OR9I1: variants seen among roughly 807,000 people sequenced by gnomAD.
OR9I1 encodes olfactory receptor family 9 subfamily I member 1.
Under a neutral mutation model 11.2 loss-of-function variants are expected in OR9I1, and 7 were observed. That is an observed-to-expected ratio of 0.62 (90% confidence interval 0.36 to 1.17). OR9I1 has a LOEUF of 1.17. OR9I1 is among the 50% of genes most tolerant of loss of function. OR9I1 has a pLI of 0.02. For missense variants in OR9I1, 428 were observed against 377.2 expected (o/e 1.13, Z -1.12); for synonymous variants, 165 against 153.4 (o/e 1.08, Z -0.56).
chr11:58,120,105 T>C (rs1854013097), intron 2 of OR9I1, among the ~76,000 whole-genome samples: 1 of 152,182 alleles, frequency 6.6e-6, no homozygotes, highest in South Asian at 2.1e-4. Flanking sequence ...AAAAAGTCTT[T>C]CTTTCTACTT....
chr11:58,118,743 C>T lies in OR9I1; in HGVS notation c.702G>A (p.Arg234=). 4.3e-6 allele frequency: 7 copies of T among 1,614,026 alleles called. No homozygotes were observed. Among genetic ancestry groups the T allele is most frequent in the African/African-American group, 1.3e-5 (1 of 75,040 alleles). ...AGGCACATGTGGAGAAAGTCTTGGC[C>T]CTGCCACCTGAAGACTTCACTTTCA... The part of the protein sequence containing the change: ...TILKVKSSGG[R]AKTFSTCASH... Residue 234 remains arginine (R), a synonymous_variant, in exon 3 of 3, where the codon AGG becomes AGA. Transcript: ENST00000641439.
chr11:58,122,438 C>T (rs548781890), intron 2 of OR9I1, among the ~76,000 whole-genome samples: 6 of 152,294 alleles, frequency 3.9e-5, no homozygotes, highest in Admixed American at 1.3e-4. Flanking sequence ...ACATGGACTT[C>T]GCTTTCTATT....
rs920809213 is a variant in OR9I1, at chr11:58,124,514, C to G, written c.-99G>C. The G allele has an allele frequency of 1.3e-4, 20 of 152,118 alleles. No individual in the cohort carries two copies. The highest frequency in any genetic ancestry group is 4.8e-4 in the African/African-American group (20 of 41,430). The allele number at this position is 152,118 out of a possible 1,614,324, so 9.4% of individuals were successfully genotyped here. On this transcript the variant is annotated 5_prime_UTR_variant, in exon 2 of 3. Coordinates refer to ENST00000641439, the MANE Select transcript of OR9I1 (RefSeq NM_001005211.2). ...GTCCCTTGGGGAGGGTGAAGGAGCT[C>G]AACAAAGTTAATGTTTCTCACCTTA...
Position 58,118,813 on chromosome 11 carries a change from G to T in OR9I1, c.632C>A (p.Ala211Asp). The change falls in exon 3 of 3, where the codon GCC becomes GAC. Residue 211 changes from alanine to aspartate, a missense_variant. Physicochemically the swap from Ala to Asp is moderately radical, Grantham distance 126. Transcript: ENST00000641439. ...FFGNFVILAN[A>D]SVILISYLLI... ...CAGATAGGAAATCAGGATGACGGAGGCATTGGCCAAAATCACAAAATTGCC... is the reference window on the plus strand; with the variant it reads ...CAGATAGGAAATCAGGATGACGGAGTCATTGGCCAAAATCACAAAATTGCC... 6.2e-7 allele frequency: 1 copy of T among 1,614,072 alleles called. No individual in the cohort carries two copies. The highest frequency in any genetic ancestry group is 1.3e-5 in the African/African-American group (1 of 75,068).
chr11:58,123,690 AAT>A (rs1405522749), intron 2 of OR9I1, among the ~76,000 whole-genome samples: 1 of 152,170 alleles, frequency 6.6e-6, no homozygotes, highest in East Asian at 1.9e-4. Flanking sequence ...AGGACATTCT[AAT>A]TCCAAATTCT....
rs1441071788 is a variant in OR9I1 at position 58,117,218 on chromosome 11, T to A, written c.*1282A>T. 6.6e-6 allele frequency: 1 copy of A among 152,154 alleles called. No homozygotes were observed. Among genetic ancestry groups the A allele is most frequent in the Non-Finnish European group, 1.5e-5 (1 of 68,026 alleles). 9.4% of individuals were successfully genotyped at this position (152,154 alleles called of 1,614,324 possible). Reference sequence around the variant, plus strand: ...TTCTTATTCATCATTTTATTTAATTTTTACAATATCCTCTTGAATTGGGAA... The same window carrying A: ...TTCTTATTCATCATTTTATTTAATTATTACAATATCCTCTTGAATTGGGAA... On this transcript the variant is annotated 3_prime_UTR_variant, in exon 3 of 3. Transcript: ENST00000641439.
Position 58,118,358 on chromosome 11 carries a change from G to A in OR9I1, c.*142C>T, listed in dbSNP as rs753926360. ...GCTGGAAACTAATTTCACCACAATT[G>A]TAGTTTTTCCTGTGTGCCTGGTGGT... On this transcript the variant is annotated 3_prime_UTR_variant, in exon 3 of 3. Coordinates refer to ENST00000641439, the MANE Select transcript of OR9I1 (RefSeq NM_001005211.2). 1 of 615,860 alleles carries A rather than the reference G, an allele frequency of 1.6e-6. No individual in the cohort carries two copies. Among genetic ancestry groups the A allele is most frequent in the Non-Finnish European group, 2.8e-6 (1 of 351,302 alleles). The allele number at this position is 615,860 out of a possible 1,614,324, so 38.1% of individuals were successfully genotyped here.
chr11:58,118,331 T>C lies in OR9I1; in HGVS notation c.*169A>G. On this transcript the variant is annotated 3_prime_UTR_variant, in exon 3 of 3. Transcript: ENST00000641439. Reference sequence around the variant, plus strand: ...GGGGATAAGAAGAAAGAACATGGAATTGCTGGAAACTAATTTCACCACAAT... The same window carrying C: ...GGGGATAAGAAGAAAGAACATGGAACTGCTGGAAACTAATTTCACCACAAT... The C allele has an allele frequency of 1.8e-6, 1 of 563,828 alleles. No homozygotes were observed. The highest frequency in any genetic ancestry group is 2.7e-5 in the South Asian group (1 of 37,308). The allele number at this position is 563,828 out of a possible 1,614,324, so 34.9% of individuals were successfully genotyped here. A position where few individuals can be genotyped will look rare whatever the true frequency, so the allele number is the denominator to read the frequency against.
rs544312953 is a variant in OR9I1, at chr11:58,118,933, T to G, written c.512A>C (p.Asp171Ala). The G allele has an allele frequency of 6.2e-7, 1 of 1,613,888 alleles. No individual in the cohort carries two copies. The highest frequency in any genetic ancestry group is 8.5e-7 in the Non-Finnish European group (1 of 1,179,994). Residue 171 changes from aspartate to alanine, a missense_variant, in exon 3 of 3, where the codon GAC becomes GCC. Transcript: ENST00000641439. ...ACAGAAGAAGAAGTTTATTTGATTG[T>G]CCTTACAGAAGGAGAGGGTGAAGGT... Reference protein sequence around the residue: ...TCTFTLSFCKDNQINFFFCDL... With the variant: ...TCTFTLSFCKANQINFFFCDL...
In OR9I1 at chr11:58,119,417, T is replaced by G. The variant is rs200213774; in HGVS notation, c.28A>C (p.Thr10Pro). The G allele has an allele frequency of 1.2e-6, 2 of 1,611,698 alleles. No homozygotes were observed. The highest frequency in any genetic ancestry group is 2.7e-5 in the African/African-American group (2 of 75,020). Residue 10 changes from threonine (T) to proline (P), a missense_variant, in exon 3 of 3, where the codon ACC becomes CCC. Transcript: ENST00000641439. MAKNNLTRV[T>P]EFILMGFMDH... ...ATAAAGCCCATGAGAATGAATTCGG[T>G]TACTCTGGTGAGATTATTCTTGGCC...
intron 1 of OR9I1, among the ~76,000 whole-genome samples, 160 bp from the exon 2 acceptor site, chr11:58,124,799 A>T (rs972167133): frequency 2.0e-5 from 3 of 152,198 alleles, no homozygotes; most frequent in African/African-American, 7.2e-5. Flanking sequence ...GTGTTGAATC[A>T]ACACGCTGTG....
Position 58,119,371 on chromosome 11 carries a change from A to G in OR9I1, c.74T>C (p.Ile25Thr), listed in dbSNP as rs778844925. 3.9e-5 allele frequency: 63 copies of G among 1,613,830 alleles called. No homozygotes were observed. In the Middle Eastern group the frequency reaches 4.9e-4, roughly 13 times the overall value. Residue 25 changes from isoleucine (I) to threonine (T), a missense_variant, in exon 3 of 3, where the codon ATT (isoleucine) becomes ACT (threonine). Ile to Thr is a moderately conservative substitution (Grantham distance 89). Coordinates refer to ENST00000641439, the MANE Select transcript of OR9I1 (RefSeq NM_001005211.2). Reference protein sequence around the residue: ...MGFMDHPKLEIPLFLVFLSFY... With the variant: ...MGFMDHPKLETPLFLVFLSFY... ...ACTCAGAAACACCAGAAAGAGGGGA[A>G]TCTCCAATTTGGGGTGGTCCATAAA...
intron 1 of OR9I1, 35 bp downstream of exon 1, chr11:58,125,239 G>T (rs78623900): frequency 1.2e-5 from 1 of 85,244 alleles, no homozygotes; most frequent in Non-Finnish European, 2.0e-5. Flanking sequence ...CTTACCCACC[G>T]CCCCCCCCCC....
chr11:58,125,346 A>G lies in OR9I1; in HGVS notation c.-297T>C, dbSNP rs919537416. On this transcript the variant is annotated 5_prime_UTR_variant, in exon 1 of 3. Coordinates refer to ENST00000641439, the MANE Select transcript of OR9I1 (RefSeq NM_001005211.2). ...ATCAGATGACAACTTCTGATGACAA[A>G]GGCAAGATTCTCTGCCCAGTTACAC... 6.6e-5 allele frequency: 10 copies of G among 151,412 alleles called. No individual in the cohort carries two copies. In the East Asian group the frequency reaches 1.8e-3, roughly 27 times the overall value. The allele number at this position is 151,412 out of a possible 1,614,324, so 9.4% of individuals were successfully genotyped here. A position where few individuals can be genotyped will look rare whatever the true frequency, so the allele number is the denominator to read the frequency against.
chr11:58,120,322 A>G (rs191181996), intron 2 of OR9I1, among the ~76,000 whole-genome samples: 1 of 152,310 alleles, frequency 6.6e-6, no homozygotes. Flanking sequence ...ATTGTCCAAA[A>G]TCAAAGTTCA....
intron 2 of OR9I1, among the ~76,000 whole-genome samples, chr11:58,121,306 T>C (rs1854030148): frequency 6.6e-6 from 1 of 152,224 alleles, no homozygotes; most frequent in African/African-American, 2.4e-5. Context: ...CATAATACCA[T>C]GTTCCAAGTC....
chr11:58,120,368 CAT>C (rs1854016361), intron 2 of OR9I1, among the ~76,000 whole-genome samples: 2 of 151,928 alleles, frequency 1.3e-5, no homozygotes, highest in South Asian at 2.1e-4. Context: ...CTATTTGTAA[CAT>C]AGAAAAATAT....
Position 58,119,337 on chromosome 11 carries a change from T to C in OR9I1, c.108A>G (p.Leu36=). 3 of 1,613,644 alleles carry C rather than the reference T, an allele frequency of 1.9e-6. No individual in the cohort carries two copies. In the South Asian group the frequency reaches 3.3e-5, roughly 18 times the overall value. ...PLFLVFLSFY[L]VTLLGNVGMI... Reference sequence around the variant, plus strand: ...TCCCCACATTCCCAAGAAGGGTGACTAGGTAGAAACTCAGAAACACCAGAA... The same window carrying C: ...TCCCCACATTCCCAAGAAGGGTGACCAGGTAGAAACTCAGAAACACCAGAA... Residue 36 remains leucine (L), a synonymous_variant, in exon 3 of 3, where the codon CTA becomes CTG. Coordinates refer to ENST00000641439, the MANE Select transcript of OR9I1 (RefSeq NM_001005211.2).
intron 1 of OR9I1, among the ~76,000 whole-genome samples, chr11:58,124,862 C>A (rs1264038416): frequency 1.3e-5 from 2 of 152,136 alleles, no homozygotes; most frequent in East Asian, 3.9e-4. Context: ...CTGCGCTGAT[C>A]ACAATACTAT....
Sources: allele counts gnomAD v4.1 joint callset (sites outside exome capture counted in the v4.1 genomes callset), GRCh38; gene constraint gnomAD v4.1.1; transcripts MANE v1.5; gene names NCBI Gene and HGNC (gene_info 2026-07-23, HGNC 2026-07-21).